Variants in ABHD18 observed in about 807,000 individuals in gnomAD.
ABHD18 encodes the protein abhydrolase domain containing 18, also known as cardiolipin-specific deacylase, mitochondrial.
Under a neutral mutation model 65.9 loss-of-function variants are expected in ABHD18, and 55 were observed. The observed-to-expected ratio is 0.84, with a 90% confidence interval of 0.67 to 1.05. The LOEUF is 1.05. Among genes scored for constraint, ABHD18 ranks in the 50% least tolerant of loss-of-function variants. The probability of loss-of-function intolerance (pLI) is 0.00; values close to 1 mark genes in which losing one functional copy is unlikely to be tolerated. For missense variants in ABHD18, 533 were observed against 558.5 expected, an observed-to-expected ratio of 0.95 and a Z score of 0.46; for synonymous variants, 181 against 180.2, an observed-to-expected ratio of 1.00 and a Z score of -0.04.
chr4:128,039,419 A>G lies in ABHD18; in HGVS notation c.*3606A>G, dbSNP rs1759168638. Reference sequence around the variant, plus strand: ...CCACAGCCTACTGGACTTCCCTCTTATATCAGACAACTTCTCTACTTTGTA... The same window carrying G: ...CCACAGCCTACTGGACTTCCCTCTTGTATCAGACAACTTCTCTACTTTGTA... On this transcript the variant is annotated 3_prime_UTR_variant, in exon 13 of 13. Coordinates refer to ENST00000645843, the MANE Select transcript of ABHD18 (RefSeq NM_001358451.3). 6.6e-6 allele frequency: 1 copy of G among 151,906 alleles called. No homozygotes were observed. The highest frequency in any genetic ancestry group is 1.5e-5 in the Non-Finnish European group (1 of 67,974). 9.4% of individuals were successfully genotyped at this position (151,906 alleles called of 1,614,324 possible). A position where few individuals can be genotyped will look rare whatever the true frequency, so the allele number is the denominator to read the frequency against.
chr4:127,969,147 T>C lies in ABHD18; in HGVS notation c.-18+3541T>C, dbSNP rs183972502. On this transcript the variant is annotated intron_variant, in intron 1 of 12. Coordinates refer to ENST00000645843, the MANE Select transcript of ABHD18 (RefSeq NM_001358451.3). ...TCTAAGTTTGGAGTGCTGACTTTTG[T>C]GGCCTGTTATGCAGGGAATTAAAGT... Among the ~76,000 whole-genome samples, 173 of 152,274 alleles carry C rather than the reference T, an allele frequency of 1.1e-3. 1 individual carries two copies. The highest frequency in any genetic ancestry group is 3.5e-4 in the Non-Finnish European group (24 of 68,010).
intron 1 of ABHD18, among the ~76,000 whole-genome samples, chr4:127,971,789 A>T (rs1370607913): frequency 6.6e-6 from 1 of 152,244 alleles, no homozygotes; most frequent in Non-Finnish European, 1.5e-5. Context: ...CACCTGGCCT[A>T]AGAGTTGGCA....
intron 1 of ABHD18, among the ~76,000 whole-genome samples, 155 bp from the exon 2 acceptor site, chr4:127,982,783 CT>C (rs947597526): frequency 6.6e-5 from 10 of 152,080 alleles, no homozygotes; most frequent in African/African-American, 1.2e-4. Flanking sequence ...CAACTCAGCT[CT>C]TTTTTTTCCC....
intron 1 of ABHD18, among the ~76,000 whole-genome samples, chr4:127,982,262 G>A (rs1749189773): frequency 6.6e-6 from 1 of 152,074 alleles, no homozygotes; most frequent in African/African-American, 2.4e-5. Context: ...GGTTTCACCC[G>A]CAAATCAAAA....
intron 4 of ABHD18, among the ~76,000 whole-genome samples, chr4:127,991,526 T>C (rs1251271561): frequency 2.6e-5 from 4 of 152,158 alleles, no homozygotes; most frequent in Admixed American, 2.0e-4. Context: ...CCTGGCCTGA[T>C]AATGGGTTTT....
intron 4 of ABHD18, among the ~76,000 whole-genome samples, chr4:127,990,620 A>G (rs187301246): frequency 1.5e-4 from 23 of 152,200 alleles, no homozygotes; most frequent in Admixed American, 1.4e-3. Context: ...TTGATTTTAT[A>G]ATAGGAAGAA....
chr4:128,039,140 T>C lies in ABHD18; in HGVS notation c.*3327T>C, dbSNP rs1426302314. Reference sequence around the variant, plus strand: ...TATATATGTATTATATATACACACATATGCATATATATATATATATATATA... The same window carrying C: ...TATATATGTATTATATATACACACACATGCATATATATATATATATATATA... On this transcript the variant is annotated 3_prime_UTR_variant, in exon 13 of 13. Transcript: ENST00000645843. The C allele has an allele frequency of 1.1e-5, 1 of 92,316 alleles. No individual in the cohort carries two copies. Among genetic ancestry groups the C allele is most frequent in the Non-Finnish European group, 2.0e-5 (1 of 49,760 alleles). The allele number at this position is 92,316 out of a possible 1,614,324, so 5.7% of individuals were successfully genotyped here. A position where few individuals can be genotyped will look rare whatever the true frequency, so the allele number is the denominator to read the frequency against.
At chr4:128,025,510 G>A (rs1345961713) in intron 10 of ABHD18, among the ~76,000 whole-genome samples, 1 of 152,126 alleles carries the variant, frequency 6.6e-6, no homozygotes, top group Non-Finnish European at 1.5e-5. Context: ...AGTCTATTAT[G>A]TGAATGGATG....
rs57540305 is a variant in ABHD18 at position 128,007,739 on chromosome 4, C to CAAA, written c.279-1167_279-1165dup. Among the ~76,000 whole-genome samples, 259 of 114,170 alleles carry CAAA rather than the reference C, an allele frequency of 2.3e-3. 1 individual carries two copies. The highest frequency in any genetic ancestry group is 7.9e-3 in the African/African-American group (253 of 31,910). 74.9% of individuals were successfully genotyped at this position (114,170 alleles called of 152,430 possible). On this transcript the variant is annotated intron_variant, in intron 4 of 12. Transcript: ENST00000645843. ...CTGGGCAACAGTAAGACCCTGTCTC[C>CAAA]AAAAAAAAAAAAAAAATAGACAAAT... is the stretch of plus-strand genomic sequence containing the variant.
At chr4:127,985,353 A>G (rs945570221) in intron 3 of ABHD18, among the ~76,000 whole-genome samples, 2 of 152,114 alleles carry the variant, frequency 1.3e-5, no homozygotes, top group African/African-American at 4.8e-5. Context: ...ACTCGCCTTC[A>G]AGCAAAGTAA....
chr4:128,023,318 CA>C (rs1014209303), intron 10 of ABHD18, among the ~76,000 whole-genome samples: 13 of 133,750 alleles, frequency 9.7e-5, no homozygotes, highest in African/African-American at 3.7e-4. Flanking sequence ...GTAATCACAG[CA>C]ATTTGGAAGA....
At chr4:128,014,784 TAA>T (rs112670702) in intron 7 of ABHD18, among the ~76,000 whole-genome samples, 8 of 143,430 alleles carry the variant, frequency 5.6e-5, no homozygotes, top group African/African-American at 1.5e-4. Context: ...CCCCCGCCCC[TAA>T]AAAAAAAAAT....
At position 128,021,194 on chromosome 4, in the gene ABHD18, A is replaced by T; in HGVS notation, c.757A>T (p.Thr253Ser). The T allele has an allele frequency of 1.3e-6, 2 of 1,548,630 alleles. No individual in the cohort carries two copies. The highest frequency in any genetic ancestry group is 1.7e-6 in the Non-Finnish European group (2 of 1,145,254). ...GCTGGAAAAGCAATATTATACCCAGACAGTTTATGAAGAAGAAATTATTCA... is the reference window on the plus strand; with the variant it reads ...GCTGGAAAAGCAATATTATACCCAGTCAGTTTATGAAGAAGAAATTATTCA... The part of the protein sequence containing the change: ...RELEKQYYTQ[T>S]VYEEEIIHML... The change falls in exon 10 of 13, where the codon ACA (threonine) becomes TCA (serine). Residue 253 changes from threonine (T) to serine (S), a missense_variant. By Grantham distance (58) the Thr-to-Ser change is moderately conservative (BLOSUM62 1). Coordinates refer to ENST00000645843, the MANE Select transcript of ABHD18 (RefSeq NM_001358451.3).
chr4:128,016,231 C>A (rs1437993080), intron 7 of ABHD18, among the ~76,000 whole-genome samples: 4 of 151,878 alleles, frequency 2.6e-5, no homozygotes, highest in African/African-American at 9.7e-5. Flanking sequence ...GGATTACAGG[C>A]GTGAGCCACT....
At position 128,033,524 on chromosome 4, in the gene ABHD18, C is replaced by CTTTTTTTTTTTTTTTT. The variant is rs869099600; in HGVS notation, c.1344-2233_1344-2218dup. The stretch of plus-strand genomic sequence containing the variant: ...GCAGGCTATCAGTTTCAAAGATAGT[C>CTTTTTTTTTTTTTTTT]TTTTTTTTTTTTTTTTTTTTGTCTT... On this transcript the variant is annotated intron_variant, in intron 12 of 12. Transcript: ENST00000645843. Among the ~76,000 whole-genome samples the CTTTTTTTTTTTTTTTT allele has an allele frequency of 2.0e-4, 22 of 108,630 alleles. 1 individual carries two copies. Among genetic ancestry groups the CTTTTTTTTTTTTTTTT allele is most frequent in the East Asian group, 6.7e-4 (2 of 2,988 alleles). The allele number at this position is 108,630 out of a possible 152,430, so 71.3% of individuals were successfully genotyped here.
chr4:127,985,311 G>C (rs1055876844), intron 3 of ABHD18, among the ~76,000 whole-genome samples: 2 of 151,806 alleles, frequency 1.3e-5, no homozygotes, highest in Admixed American at 6.6e-5. Flanking sequence ...GTTGGAGAGG[G>C]GATACAAATG....
chr4:128,001,810 T>A (rs1191933640), intron 4 of ABHD18: 1 of 1,504,692 alleles, frequency 6.6e-7, no homozygotes, highest in Non-Finnish European at 8.9e-7. Context: ...CTTTTGTATA[T>A]CCTTAGTGGT....
chr4:128,030,709 G>A (rs1182754108), intron 12 of ABHD18, 37 bp downstream of exon 12: 1 of 1,509,844 alleles, frequency 6.6e-7, no homozygotes, highest in Non-Finnish European at 8.8e-7. Context: ...TCGTTCATTT[G>A]TTGTTTGTTT....
intron 1 of ABHD18, among the ~76,000 whole-genome samples, chr4:127,971,032 G>T (rs191636507): frequency 6.6e-6 from 1 of 151,020 alleles, no homozygotes; most frequent in East Asian, 1.9e-4. Context: ...CTGAGATCGT[G>T]CCACTGCATT....
Sources: allele counts gnomAD v4.1 joint callset (sites outside exome capture counted in the v4.1 genomes callset), GRCh38; gene constraint gnomAD v4.1.1; transcripts MANE v1.5; gene names NCBI Gene and HGNC (gene_info 2026-07-23, HGNC 2026-07-21).